RAB3GAP2: variants seen among roughly 807,000 people sequenced by gnomAD.
RAB3GAP2 encodes the protein RAB3 GTPase activating non-catalytic protein subunit 2.
RAB3GAP2 carries 87 observed loss-of-function variants against 185.3 expected under a neutral mutation model. The ratio of observed to expected loss-of-function variants is 0.47; its 90% confidence interval spans 0.39 to 0.56. RAB3GAP2 has a LOEUF of 0.56. Among genes scored for constraint, RAB3GAP2 ranks in the 20% least tolerant of loss-of-function variants. The pLI, the probability that RAB3GAP2 is intolerant of heterozygous loss-of-function variation, is 0.00. For synonymous variants in RAB3GAP2, 554 were observed against 576.1 expected (o/e 0.96, Z 0.55); for missense variants, 1,492 against 1,638.2 (o/e 0.91, Z 1.54).
intron 1 of RAB3GAP2, among the ~76,000 whole-genome samples, chr1:220,257,030 G>A (rs1418493640): frequency 2.0e-5 from 3 of 152,158 alleles, no homozygotes; most frequent in African/African-American, 7.2e-5. Context: ...CAAAAGAACT[G>A]AAATAACAGT....
At chr1:220,268,263 C>T (rs1260262875) in intron 1 of RAB3GAP2, among the ~76,000 whole-genome samples, 3 of 152,188 alleles carry the variant, frequency 2.0e-5, no homozygotes, top group Admixed American at 1.3e-4. Flanking sequence ...ACGTTCAAAA[C>T]TCTTTATATT....
At chr1:220,163,398 T>C (rs1292958525) in intron 27 of RAB3GAP2, among the ~76,000 whole-genome samples, 1 of 149,458 alleles carries the variant, frequency 6.7e-6, no homozygotes, top group African/African-American at 2.5e-5. Context: ...ACGGAGTCTC[T>C]CTCTCCCAGG....
intron 8 of RAB3GAP2, among the ~76,000 whole-genome samples, chr1:220,205,029 C>G (rs1456828517): frequency 2.6e-5 from 4 of 151,898 alleles, no homozygotes; most frequent in Non-Finnish European, 5.9e-5. Context: ...CAAGTCTTTG[C>G]TATTGTATTT....
chr1:220,234,287 A>G (rs1659553683), intron 1 of RAB3GAP2, among the ~76,000 whole-genome samples: 1 of 152,210 alleles, frequency 6.6e-6, no homozygotes, highest in Non-Finnish European at 1.5e-5. Flanking sequence ...GGGGAAAACA[A>G]TTTAAAAGAT....
At chr1:220,159,500 T>C in intron 28 of RAB3GAP2, 79 bp from the exon 29 acceptor site, 1 of 1,093,138 alleles carries the variant, frequency 9.1e-7, no homozygotes, top group South Asian at 1.4e-5. Context: ...TAATAAAAAG[T>C]AACCGAATTT....
intron 1 of RAB3GAP2, 89 bp from the exon 2 acceptor site, chr1:220,232,952 C>T: frequency 1.9e-6 from 2 of 1,028,630 alleles, no homozygotes; most frequent in Non-Finnish European, 3.1e-6. Flanking sequence ...TAGAACCAAC[C>T]CCTGTATAAT....
chr1:220,187,614 C>A (rs1658529438), intron 17 of RAB3GAP2, among the ~76,000 whole-genome samples: 2 of 152,176 alleles, frequency 1.3e-5, no homozygotes, highest in African/African-American at 4.8e-5. Context: ...TATAATGAAG[C>A]TTCCATCAAC....
At chr1:220,260,785 C>CG (rs1660121896) in intron 1 of RAB3GAP2, among the ~76,000 whole-genome samples, 4 of 152,154 alleles carry the variant, frequency 2.6e-5, no homozygotes, top group African/African-American at 9.7e-5. Flanking sequence ...CTTACTAAGG[C>CG]AATACTTCCA....
intron 1 of RAB3GAP2, among the ~76,000 whole-genome samples, chr1:220,245,146 A>G (rs1448768875): frequency 6.6e-6 from 1 of 152,188 alleles, no homozygotes; most frequent in East Asian, 1.9e-4. Context: ...CTCATTAAAA[A>G]GTGGGCAAAG....
chr1:220,195,017 A>G (rs1658696756), intron 12 of RAB3GAP2, 61 bp downstream of exon 12: 1 of 1,470,790 alleles, frequency 6.8e-7, no homozygotes, highest in Non-Finnish European at 9.5e-7. Flanking sequence ...ACACGGAAAG[A>G]CCATACATTT....
At chr1:220,211,535 C>T (rs985921121) in intron 4 of RAB3GAP2, among the ~76,000 whole-genome samples, 9 of 152,182 alleles carry the variant, frequency 5.9e-5, no homozygotes, top group African/African-American at 2.2e-4. Context: ...TTTGCAGAAA[C>T]TGCTCTGATC....
At chr1:220,251,767 A>G (rs1209507344) in intron 1 of RAB3GAP2, among the ~76,000 whole-genome samples, 1 of 152,238 alleles carries the variant, frequency 6.6e-6, no homozygotes, top group African/African-American at 2.4e-5. Flanking sequence ...TACAGCAAAA[A>G]TATCAGAAAT....
At chr1:220,216,100 A>C (rs1433648037) in intron 2 of RAB3GAP2, among the ~76,000 whole-genome samples, 1 of 152,154 alleles carries the variant, frequency 6.6e-6, no homozygotes, top group Non-Finnish European at 1.5e-5. Flanking sequence ...AAATACCCCA[A>C]AATGAGCCTG....
intron 31 of RAB3GAP2, among the ~76,000 whole-genome samples, chr1:220,154,671 T>C (rs988234048): frequency 6.6e-5 from 10 of 151,792 alleles, no homozygotes; most frequent in Admixed American, 5.3e-4. Flanking sequence ...AGTTTTGGGA[T>C]GATTTACTCC....
At chr1:220,230,634 T>G (rs957342451) in intron 2 of RAB3GAP2, among the ~76,000 whole-genome samples, 2 of 152,196 alleles carry the variant, frequency 1.3e-5, no homozygotes, top group Non-Finnish European at 2.9e-5. Flanking sequence ...AAAGCTGTTC[T>G]TTTCCTCATC....
intron 21 of RAB3GAP2, among the ~76,000 whole-genome samples, chr1:220,179,991 G>A (rs1039904528): frequency 1.2e-4 from 18 of 151,844 alleles, no homozygotes; most frequent in African/African-American, 3.9e-4. Flanking sequence ...GTGAAACCCC[G>A]TCTCTACTAA....
chr1:220,157,909 G>T (rs1180077501), intron 29 of RAB3GAP2, 33 bp from the exon 30 acceptor site: 3 of 1,525,546 alleles, frequency 2.0e-6, no homozygotes, highest in Non-Finnish European at 2.7e-6. Flanking sequence ...ATTAGGCCCT[G>T]CAGGAAAACT....
At chr1:220,195,918 T>G (rs1453178922) in intron 10 of RAB3GAP2, among the ~76,000 whole-genome samples, 6 of 152,180 alleles carry the variant, frequency 3.9e-5, no homozygotes, top group Non-Finnish European at 5.9e-5. Context: ...GTTCTGTCTT[T>G]ACAACTCCTC....
At chr1:220,240,616 T>G (rs1036722770) in intron 1 of RAB3GAP2, among the ~76,000 whole-genome samples, 1 of 152,162 alleles carries the variant, frequency 6.6e-6, no homozygotes, top group African/African-American at 2.4e-5. Context: ...ATCATACCCT[T>G]TCTCTAAATA....
Sources: allele counts gnomAD v4.1 joint callset (sites outside exome capture counted in the v4.1 genomes callset), GRCh38; gene constraint gnomAD v4.1.1; transcripts MANE v1.5; gene names NCBI Gene and HGNC (gene_info 2026-07-23, HGNC 2026-07-21).